The following KALRN variants were observed in gnomAD, a reference collection of about 807,000 sequenced individuals.
KALRN encodes kalirin RhoGEF kinase, also known as kalirin.
Under a neutral mutation model 353.7 loss-of-function variants are expected in KALRN, and 70 were observed. The observed-to-expected ratio is 0.20, with a 90% CI of 0.16 to 0.24. The LOEUF (loss-of-function observed/expected upper bound fraction) is 0.24, where lower values mean the gene tolerates loss of function less well. Among genes scored for constraint, KALRN ranks in the 10% least tolerant of loss-of-function variants. The pLI is 1.00. For missense variants in KALRN, 2,791 were observed against 3,756.7 expected, an observed-to-expected ratio of 0.74 and a Z score of 6.72; for synonymous variants, 1,391 against 1,434.8, an observed-to-expected ratio of 0.97 and a Z score of 0.69.
intron 1 of KALRN, among the ~76,000 whole-genome samples, chr3:124,211,399 G>C (rs1431351420): frequency 1.3e-5 from 2 of 152,200 alleles, no homozygotes; most frequent in African/African-American, 4.8e-5. Context: ...AATTGAAATA[G>C]TAATATGAAT....
intron 51 of KALRN, among the ~76,000 whole-genome samples, chr3:124,691,563 T>C (rs961121476): frequency 2.0e-5 from 3 of 152,210 alleles, no homozygotes; most frequent in African/African-American, 4.8e-5. Context: ...GGGTAGAGCC[T>C]ATGTCTTAGT....
intron 34 of KALRN, among the ~76,000 whole-genome samples, chr3:124,567,523 A>G (rs944985865): frequency 6.6e-6 from 1 of 152,108 alleles, no homozygotes; most frequent in Admixed American, 6.5e-5. Context: ...CTTTCCTGCT[A>G]CTTTACTGCC....
intron 27 of KALRN, among the ~76,000 whole-genome samples, chr3:124,480,539 T>C (rs2061878516): frequency 6.6e-6 from 1 of 152,178 alleles, no homozygotes; most frequent in African/African-American, 2.4e-5. Flanking sequence ...AACAGCTTTA[T>C]TGAGAGATGA....
chr3:124,274,372 G>C (rs2074476514), intron 5 of KALRN, among the ~76,000 whole-genome samples: 1 of 152,226 alleles, frequency 6.6e-6, no homozygotes, highest in South Asian at 2.1e-4. Context: ...AGTCTTTTCA[G>C]GGAAGGAGCA....
chr3:124,215,937 G>T (rs948240964), intron 1 of KALRN, among the ~76,000 whole-genome samples: 1 of 152,144 alleles, frequency 6.6e-6, no homozygotes, highest in African/African-American at 2.4e-5. Context: ...CTCTAACCTT[G>T]ACACAGTGTC....
chr3:124,685,007 C>A (rs1337163519), intron 51 of KALRN, among the ~76,000 whole-genome samples: 1 of 152,126 alleles, frequency 6.6e-6, no homozygotes, highest in East Asian at 1.9e-4. Context: ...AATAACCCGG[C>A]CAGACGGATT....
intron 34 of KALRN, among the ~76,000 whole-genome samples, chr3:124,565,613 CA>C (rs2072707681): frequency 6.6e-6 from 1 of 152,234 alleles, no homozygotes; most frequent in Non-Finnish European, 1.5e-5. Flanking sequence ...TCATTTGCCG[CA>C]AAAGGCTAAC....
chr3:124,276,297 G>T (rs1487551909), intron 5 of KALRN, among the ~76,000 whole-genome samples: 1 of 152,162 alleles, frequency 6.6e-6, no homozygotes, highest in East Asian at 1.9e-4. Flanking sequence ...TTTTGAGGTT[G>T]GTATGTCCTG....
chr3:124,047,028 C>G lies in KALRN; in HGVS notation c.73+13215C>G, dbSNP rs570155996. ...TGTCGACAGGCAATTCTGCTTTAAA[C>G]AAAAGACCTATGAAGTCAACGTTGT... On this transcript the variant is annotated intron_variant, in intron 1 of 59. Coordinates refer to ENST00000682506, the MANE Select transcript of KALRN (RefSeq NM_001388419.1). Among the ~76,000 whole-genome samples the G allele has an allele frequency of 1.9e-4, 24 of 123,700 alleles. No homozygotes were observed. In the Admixed American group the frequency reaches 2.0e-3, roughly 10 times the overall value. The allele number at this position is 123,700 out of a possible 152,430, so 81.2% of individuals were successfully genotyped here.
intron 51 of KALRN, among the ~76,000 whole-genome samples, chr3:124,685,120 TGAAAA>T (rs1430300917): frequency 6.6e-6 from 1 of 152,208 alleles, no homozygotes; most frequent in African/African-American, 2.4e-5. Flanking sequence ...AATTTTTTCA[TGAAAA>T]GAACCCTTTG....
At chr3:124,447,708 T>C (rs2093886411) in intron 21 of KALRN, among the ~76,000 whole-genome samples, 1 of 152,232 alleles carries the variant, frequency 6.6e-6, no homozygotes, top group African/African-American at 2.4e-5. Flanking sequence ...CCTCTGACAC[T>C]ATAAGGAATG....
Position 124,674,537 on chromosome 3 carries a change from C to T in KALRN, c.7116C>T (p.Ala2372=), listed in dbSNP as rs756548847. 21 of 1,613,562 alleles carry T rather than the reference C, an allele frequency of 1.3e-5. No individual in the cohort carries two copies. The highest frequency in any genetic ancestry group is 6.7e-5 in the East Asian group (3 of 44,876). ...CTGCCAGCGACCATTCCCCCGCCGC[C>T]GAGGGCTGGGTCCCAGGCAGCATCC... ...YQPASDHSPA[A]EGWVPGSILA... is the part of the protein sequence containing the mutation. The change falls in exon 49 of 60, where the codon GCC becomes GCT. Residue 2372 remains alanine, a synonymous_variant. Transcript: ENST00000682506.
In KALRN at chr3:124,037,178, A is replaced by G. The variant is rs115016982; in HGVS notation, c.73+3365A>G. Among the ~76,000 whole-genome samples the G allele has an allele frequency of 4.8e-3, 727 of 152,368 alleles. 11 individuals are homozygous for G. The highest frequency in any genetic ancestry group is 0.016 in the African/African-American group (682 of 41,592). On this transcript the variant is annotated intron_variant, in intron 1 of 59. Transcript: ENST00000682506. Reference sequence around the variant, plus strand: ...CTGTCCACGGTGCTGTGGAACACAAAAGAAATATTCGAAGTGGTCTCTGTC... The same window carrying G: ...CTGTCCACGGTGCTGTGGAACACAAGAGAAATATTCGAAGTGGTCTCTGTC...
intron 33 of KALRN, among the ~76,000 whole-genome samples, chr3:124,539,246 T>C (rs2068788448): frequency 6.6e-6 from 1 of 152,186 alleles, no homozygotes; most frequent in Non-Finnish European, 1.5e-5. Context: ...TCAGGGATAT[T>C]AAAATGCAGT....
intron 10 of KALRN, among the ~76,000 whole-genome samples, chr3:124,357,603 C>T (rs561943707): frequency 2.0e-5 from 3 of 152,196 alleles, no homozygotes; most frequent in Non-Finnish European, 2.9e-5. Context: ...AACTGACCAG[C>T]TCCTATCACC....
intron 1 of KALRN, among the ~76,000 whole-genome samples, chr3:124,178,440 A>G (rs2073089860): frequency 6.6e-6 from 1 of 152,200 alleles, no homozygotes; most frequent in African/African-American, 2.4e-5. Flanking sequence ...CATTGTACAA[A>G]CCTCGTAGAA....
At chr3:124,553,253 C>G (rs2109626223) in intron 33 of KALRN, among the ~76,000 whole-genome samples, 1 of 152,278 alleles carries the variant, frequency 6.6e-6, no homozygotes, top group East Asian at 1.9e-4. Flanking sequence ...TAATATGATT[C>G]CTACTTTACA....
At chr3:124,041,638 G>A (rs1297701112) in intron 1 of KALRN, among the ~76,000 whole-genome samples, 1 of 152,194 alleles carries the variant, frequency 6.6e-6, no homozygotes, top group African/African-American at 2.4e-5. Flanking sequence ...CGATCCATGT[G>A]GAGAAGGTCC....
intron 1 of KALRN, among the ~76,000 whole-genome samples, chr3:124,166,175 A>G (rs562202439): frequency 2.8e-4 from 43 of 152,060 alleles, no homozygotes; most frequent in Admixed American, 8.5e-4. Flanking sequence ...CACTACTTCT[A>G]TGTTCTTTGT....
Sources: allele counts gnomAD v4.1 joint callset (sites outside exome capture counted in the v4.1 genomes callset), GRCh38; gene constraint gnomAD v4.1.1; transcripts MANE v1.5; gene names NCBI Gene and HGNC (gene_info 2026-07-23, HGNC 2026-07-21).